Variants in TMEM156 observed in about 807,000 individuals in gnomAD.
TMEM156 encodes transmembrane protein 156.
Under a neutral mutation model 30.5 loss-of-function variants are expected in TMEM156, and 28 were observed. That is an observed-to-expected ratio of 0.92 (90% CI 0.68 to 1.26). The LOEUF (loss-of-function observed/expected upper bound fraction) is 1.26. Among genes scored for constraint, TMEM156 ranks in the 50% most tolerant of loss-of-function variants. TMEM156 has a pLI of 0.00. For missense variants in TMEM156, 351 were observed against 340.6 expected (o/e 1.03, Z -0.24); for synonymous variants, 137 against 119.9 (o/e 1.14, Z -0.93).
Position 38,998,694 on chromosome 4 carries a change from C to T in TMEM156, c.304G>A (p.Val102Ile), listed in dbSNP as rs761420473. Residue 102 changes from valine to isoleucine, a missense_variant, in exon 2 of 7, where the codon GTT becomes ATT. Val to Ile is a conservative substitution (Grantham distance 29). Transcript: ENST00000381938. Reference protein sequence around the residue: ...GEFKMCSSCLVCESKGNMDFI... With the variant: ...GEFKMCSSCLICESKGNMDFI... ...TCCATGTTTCCTTTAGACTCACAAACCAAACACGAGGAGCACATTTTAAAT... is the reference window on the plus strand; with the variant it reads ...TCCATGTTTCCTTTAGACTCACAAATCAAACACGAGGAGCACATTTTAAAT... 1.2e-6 allele frequency: 2 copies of T among 1,613,454 alleles called. No individual in the cohort carries two copies.
chr4:39,001,128 C>A (rs12651188), intron 1 of TMEM156, among the ~76,000 whole-genome samples: 2,495 of 149,168 alleles, frequency 0.017, 81 homozygotes, highest in African/African-American at 0.058. Context: ...CCGACCACTT[C>A]GGGAGGCTGA....
At chr4:38,996,422 A>C (rs1577543775) in intron 2 of TMEM156, among the ~76,000 whole-genome samples, 1 of 150,514 alleles carries the variant, frequency 6.6e-6, no homozygotes, top group Middle Eastern at 3.4e-3. Context: ...AAAAAAAAAA[A>C]TTAGCTGGGC....
At chr4:38,983,273 G>A (rs985250841) in intron 5 of TMEM156, among the ~76,000 whole-genome samples, 16 of 152,148 alleles carry the variant, frequency 1.1e-4, no homozygotes, top group African/African-American at 3.9e-4. Context: ...CCTCTCTGCA[G>A]TCAGTCAAGT....
At chr4:38,990,047 G>A (rs547410808) in intron 3 of TMEM156, among the ~76,000 whole-genome samples, 7 of 152,256 alleles carry the variant, frequency 4.6e-5, no homozygotes, top group Admixed American at 2.0e-4. Context: ...CACCCGCCTC[G>A]GCCTCCCAAA....
chr4:39,004,092 A>G (rs1289211115), intron 1 of TMEM156, among the ~76,000 whole-genome samples: 1 of 152,190 alleles, frequency 6.6e-6, no homozygotes, highest in African/African-American at 2.4e-5. Flanking sequence ...CATTTTTGCT[A>G]TCAGGTGGAC....
intron 1 of TMEM156, among the ~76,000 whole-genome samples, chr4:39,031,379 T>C (rs1486648259): frequency 6.6e-6 from 1 of 152,224 alleles, no homozygotes; most frequent in Non-Finnish European, 1.5e-5. Context: ...GTTCCATTTT[T>C]CTCCAGTTAC....
At chr4:38,969,492 T>C (rs1283079134) in intron 6 of TMEM156, among the ~76,000 whole-genome samples, 1 of 152,264 alleles carries the variant, frequency 6.6e-6, no homozygotes, top group African/African-American at 2.4e-5. Flanking sequence ...GGCACTTAGG[T>C]CCATTCCATA....
chr4:38,998,562 T>C, intron 2 of TMEM156, 78 bp downstream of exon 2: 1 of 1,169,372 alleles, frequency 8.6e-7, no homozygotes, highest in Non-Finnish European at 1.1e-6. Context: ...AAAAAGAATA[T>C]ATTATTAATA....
chr4:39,030,986 C>T (rs141911465), intron 1 of TMEM156, among the ~76,000 whole-genome samples: 7 of 152,322 alleles, frequency 4.6e-5, no homozygotes, highest in African/African-American at 1.7e-4. Context: ...TAACTCGCTA[C>T]TTAGCATCAT....
At chr4:38,972,241 A>ACTTTTTTTTTTTT in intron 5 of TMEM156, among the ~76,000 whole-genome samples, 1 of 124,810 alleles carries the variant, frequency 8.0e-6, no homozygotes, top group Non-Finnish European at 1.6e-5. Flanking sequence ...CTTCTCTGGG[A>ACTTTTTTTTTTTT]ATTTTTTTTT....
chr4:38,979,055 T>C (rs759729331), intron 5 of TMEM156, among the ~76,000 whole-genome samples: 19 of 152,254 alleles, frequency 1.2e-4, no homozygotes, highest in Non-Finnish European at 2.6e-4. Flanking sequence ...TCAGAAGTGT[T>C]TGATCTGTAT....
At chr4:38,974,979 T>C (rs557272107) in intron 5 of TMEM156, among the ~76,000 whole-genome samples, 26 of 152,234 alleles carry the variant, frequency 1.7e-4, no homozygotes, top group South Asian at 8.3e-4. Context: ...GATCTGAAGA[T>C]TTTTAAAATT....
chr4:38,998,702 G>A lies in TMEM156; in HGVS notation c.296C>T (p.Ser99Leu), dbSNP rs140426497. Reference sequence around the variant, plus strand: ...TCCTTTAGACTCACAAACCAAACACGAGGAGCACATTTTAAATTCACCTGT... The same window carrying A: ...TCCTTTAGACTCACAAACCAAACACAAGGAGCACATTTTAAATTCACCTGT... ...DITGEFKMCS[S>L]CLVCESKGNM... Residue 99 changes from serine (S) to leucine (L), a missense_variant, in exon 2 of 7, where the codon TCG (serine) becomes TTG (leucine). Coordinates refer to ENST00000381938, the MANE Select transcript of TMEM156 (RefSeq NM_024943.3). The A allele has an allele frequency of 8.7e-5, 140 of 1,613,562 alleles. No individual in the cohort carries two copies. Among genetic ancestry groups the A allele is most frequent in the African/African-American group, 8.4e-4 (63 of 74,990 alleles).
chr4:38,988,537 T>C (rs1279127312), intron 4 of TMEM156, among the ~76,000 whole-genome samples: 1 of 152,166 alleles, frequency 6.6e-6, no homozygotes, highest in Non-Finnish European at 1.5e-5. Flanking sequence ...CGGCCTGAAA[T>C]TCTTTATCCC....
chr4:38,975,672 T>C (rs2109870555), intron 5 of TMEM156, among the ~76,000 whole-genome samples: 1 of 152,216 alleles, frequency 6.6e-6, no homozygotes, highest in South Asian at 2.1e-4. Context: ...CCACTGCGCC[T>C]GGCCTGTGAT....
chr4:38,983,391 G>C (rs1711725746), intron 5 of TMEM156, among the ~76,000 whole-genome samples: 2 of 151,942 alleles, frequency 1.3e-5, no homozygotes, highest in South Asian at 4.2e-4. Flanking sequence ...TGTTTCTAGG[G>C]GTACGTTTTA....
intron 5 of TMEM156, among the ~76,000 whole-genome samples, chr4:38,973,765 T>A (rs1375979605): frequency 6.6e-6 from 1 of 152,188 alleles, no homozygotes; most frequent in Non-Finnish European, 1.5e-5. Context: ...CCTGGAAAAT[T>A]TCTGGCTCGG....
At chr4:38,994,231 C>T (rs1712761273) in intron 2 of TMEM156, among the ~76,000 whole-genome samples, 1 of 152,026 alleles carries the variant, frequency 6.6e-6, no homozygotes, top group Non-Finnish European at 1.5e-5. Context: ...CTCAAGCAAT[C>T]CTCCCACCTT....
At chr4:38,980,655 C>T (rs894037601) in intron 5 of TMEM156, among the ~76,000 whole-genome samples, 4 of 152,012 alleles carry the variant, frequency 2.6e-5, no homozygotes, top group African/African-American at 9.7e-5. Context: ...GAAAGATGTA[C>T]GGTGTTATGA....
Sources: gnomAD v4.1 joint callset for allele counts (sites outside exome capture counted in the v4.1 genomes callset) on GRCh38, gnomAD v4.1.1 for gene constraint, MANE v1.5 for transcripts, NCBI Gene and HGNC (gene_info 2026-07-23, HGNC 2026-07-21) for gene names.